Variants in FBXL22 observed in about 807,000 individuals in gnomAD.
FBXL22 encodes F-box and leucine rich repeat protein 22, also known as F-box and leucine-rich protein 22.
Under a neutral mutation model 11.7 loss-of-function variants are expected in FBXL22, and 13 were observed. The ratio of observed to expected loss-of-function variants is 1.11; its 90% CI spans 0.73 to 1.77. FBXL22 has a LOEUF of 1.77. Among genes scored for constraint, FBXL22 ranks in the 40% most tolerant of loss-of-function variants. FBXL22 has a pLI of 0.00. For synonymous variants in FBXL22, 160 were observed against 144.1 expected (o/e 1.11, Z -0.79); for missense variants, 406 against 320.4 (o/e 1.27, Z -2.04).
At chr15:63,606,959 T>C (rs1289933690), downstream of FBXL22, among the ~76,000 whole-genome samples, 6 of 152,006 alleles carry the variant, frequency 3.9e-5, no homozygotes, top group Non-Finnish European at 8.8e-5. Flanking sequence ...TTGCTCTGCA[T>C]GTCCTCAGCC....
Position 63,597,644 on chromosome 15 carries a change from G to T in FBXL22, c.252G>T (p.Gln84His). Reference sequence around the variant, plus strand: ...TCTGCTGGCACTCCAGCCGCGTGCAGGTGTGCAGCATTGAGGACTGGCTCA... The same window carrying T: ...TCTGCTGGCACTCCAGCCGCGTGCATGTGTGCAGCATTGAGGACTGGCTCA... The part of the protein sequence containing the change: ...LSICWHSSRV[Q>H]VCSIEDWLKS... The change falls in exon 1 of 2, where the codon CAG becomes CAT. Residue 84 changes from glutamine (Q) to histidine (H), a missense_variant. Gln to His is a conservative substitution (Grantham distance 24, BLOSUM62 0). Coordinates refer to ENST00000638704, the MANE Select transcript of FBXL22 (RefSeq NM_001367807.1). This position sits in a 1 kb window ranked among gnomAD's most constrained non-coding sequence, Gnocchi z 4.3. The T allele has an allele frequency of 6.2e-7, 1 of 1,613,308 alleles. No individual in the cohort carries two copies. Among genetic ancestry groups the T allele is most frequent in the Non-Finnish European group, 8.5e-7 (1 of 1,179,996 alleles).
Position 63,597,989 on chromosome 15 carries a change from A to G in FBXL22, c.353+244A>G, listed in dbSNP as rs1250007551. On this transcript the variant is annotated intron_variant, in intron 1 of 1. Coordinates refer to ENST00000638704, the MANE Select transcript of FBXL22 (RefSeq NM_001367807.1). This position sits in a 1 kb window ranked among gnomAD's most constrained non-coding sequence, Gnocchi z 4.3. ...CCTGGGCTGCTTCATGCAAACACCA[A>G]GAAGTGGGGCCTCCGTACTGGTAGT... Among the ~76,000 whole-genome samples, 1 of 152,202 alleles carries G rather than the reference A, an allele frequency of 6.6e-6. No individual in the cohort carries two copies. Among genetic ancestry groups the G allele is most frequent in the African/African-American group, 2.4e-5 (1 of 41,452 alleles).
At chr15:63,605,136 CTTAA>C (rs1406380893), downstream of FBXL22, among the ~76,000 whole-genome samples, 2 of 152,208 alleles carry the variant, frequency 1.3e-5, no homozygotes, top group African/African-American at 2.4e-5. Flanking sequence ...GCCCTGCAGA[CTTAA>C]TTAATCCACC....
At chr15:63,600,432 G>T (rs1477270536) in intron 1 of FBXL22, 2 of 1,199,112 alleles carry the variant, frequency 1.7e-6, no homozygotes, top group Non-Finnish European at 1.0e-6. Flanking sequence ...GCTGGGCCGG[G>T]GTCGGGGCTT....
chr15:63,601,026 T>G lies in FBXL22; in HGVS notation c.683T>G (p.Leu228Arg). The part of the protein sequence containing the change: ...PRAPAAALGK[L>R]LQR The stretch of plus-strand genomic sequence containing the variant: ...GCGCCCGCCGCGGCCCTCGGCAAGC[T>G]GCTGCAGCGCTAGACGCCGCCCCGC... The change falls in exon 2 of 2, where the codon CTG becomes CGG. Residue 228 changes from leucine (L) to arginine (R), a missense_variant. By Grantham distance (102) the Leu-to-Arg change is moderately radical. Coordinates refer to ENST00000638704, the MANE Select transcript of FBXL22 (RefSeq NM_001367807.1). 1 of 1,214,394 alleles carries G rather than the reference T, an allele frequency of 8.2e-7. No homozygotes were observed. The highest frequency in any genetic ancestry group is 1.0e-6 in the Non-Finnish European group (1 of 977,068). The allele number at this position is 1,214,394 out of a possible 1,614,324, so 75.2% of individuals were successfully genotyped here.
chr15:63,600,221 C>T (rs2067345143), intron 1 of FBXL22: 1 of 987,650 alleles, frequency 1.0e-6, no homozygotes, highest in African/African-American at 1.7e-5. Context: ...GGGCCTGTCA[C>T]TAGGCCACCT....
Position 63,600,771 on chromosome 15 carries a change from G to A in FBXL22, c.428G>A (p.Arg143His), listed in dbSNP as rs2067355717. The A allele has an allele frequency of 1.6e-6, 2 of 1,231,382 alleles. No homozygotes were observed. Among genetic ancestry groups the A allele is most frequent in the Non-Finnish European group, 1.0e-6 (1 of 987,708 alleles). The allele number at this position is 1,231,382 out of a possible 1,614,324, so 76.3% of individuals were successfully genotyped here. Reference protein sequence around the residue: ...VTDDCLARLLRCCPRLRALRL... With the variant: ...VTDDCLARLLHCCPRLRALRL... ...GACGACTGCCTGGCGCGCCTGCTGC[G>A]CTGCTGCCCACGCCTGCGCGCACTG... The change falls in exon 2 of 2, where the codon CGC becomes CAC. Residue 143 changes from arginine (R) to histidine (H), a missense_variant. Physicochemically the swap from Arg to His is conservative, Grantham distance 29 (BLOSUM62 0). Transcript: ENST00000638704.
At chr15:63,607,776 G>A in the FBXL22 span, among the ~76,000 whole-genome samples, 33 of 152,352 alleles carry the variant, frequency 2.2e-4, 2 homozygotes, top group Admixed American at 1.2e-3. Flanking sequence ...GAAGTAGCCT[G>A]TGGCATGAAC....
the FBXL22 span, among the ~76,000 whole-genome samples, chr15:63,607,678 G>C: frequency 6.6e-6 from 1 of 152,194 alleles, no homozygotes; most frequent in South Asian, 2.1e-4. Context: ...TATCTTCCTT[G>C]TGGAAAATAA....
downstream of FBXL22, among the ~76,000 whole-genome samples, chr15:63,603,190 C>G (rs1299148593): frequency 1.3e-5 from 2 of 152,140 alleles, no homozygotes; most frequent in Non-Finnish European, 2.9e-5. Context: ...AACAACCTGA[C>G]CATTGTTAAA....
chr15:63,603,213 C>T (rs138774933), downstream of FBXL22, among the ~76,000 whole-genome samples: 3 of 152,226 alleles, frequency 2.0e-5, no homozygotes, highest in African/African-American at 7.2e-5. Flanking sequence ...AATGTCAATC[C>T]GAGGTCCAGG....
chr15:63,598,188 G>A (rs2067304094), intron 1 of FBXL22, among the ~76,000 whole-genome samples: 1 of 152,082 alleles, frequency 6.6e-6, no homozygotes, highest in Non-Finnish European at 1.5e-5. Flanking sequence ...GAGAAGCCAG[G>A]GTGCTCAGGT....
At position 63,597,707 on chromosome 15, in the gene FBXL22, G is replaced by A. The variant is rs139584661; in HGVS notation, c.315G>A (p.Glu105=). The change falls in exon 1 of 2, where the codon GAG becomes GAA. Residue 105 remains glutamate (E), a synonymous_variant. Transcript: ENST00000638704. This position sits in a 1 kb window ranked among gnomAD's most constrained non-coding sequence, Gnocchi z 4.3. ...AGAGAAGCATCTGCAGCCGGCACGA[G>A]AGCCTGGTCAATGATTTCCTCCTCC... ...AFQRSICSRH[E]SLVNDFLLRV... 1 of 1,596,628 alleles carries A rather than the reference G, an allele frequency of 6.3e-7. No individual in the cohort carries two copies. Among genetic ancestry groups the A allele is most frequent in the African/African-American group, 1.3e-5 (1 of 74,658 alleles).
chr15:63,598,777 G>A (rs1467083513), intron 1 of FBXL22, among the ~76,000 whole-genome samples: 1 of 152,240 alleles, frequency 6.6e-6, no homozygotes, highest in African/African-American at 2.4e-5. Flanking sequence ...GAAAACAGAA[G>A]ATGGACTTGG....
downstream of FBXL22, among the ~76,000 whole-genome samples, chr15:63,603,759 GCATAAT>G (rs2067399186): frequency 6.6e-6 from 1 of 152,262 alleles, no homozygotes; most frequent in South Asian, 2.1e-4. Flanking sequence ...CCCTGGCCCA[GCATAAT>G]CCCTTTGTCA....
chr15:63,601,531 C>A, downstream of FBXL22: 1 of 1,556,412 alleles, frequency 6.4e-7, no homozygotes. Flanking sequence ...GGGACCGCCA[C>A]CTCCAGGAGC....
chr15:63,601,214 G>T lies in FBXL22; in HGVS notation c.*175G>T. On this transcript the variant is annotated 3_prime_UTR_variant, in exon 2 of 2. Transcript: ENST00000638704. ...TTACGATTTTATACATAGGATAAAC[G>T]CAAGATTAAATGGATATTTGGAAAA... is the stretch of plus-strand genomic sequence containing the variant. The T allele has an allele frequency of 1.3e-6, 2 of 1,493,412 alleles. No homozygotes were observed. Among genetic ancestry groups the T allele is most frequent in the East Asian group, 2.4e-5 (1 of 42,258 alleles). The allele number at this position is 1,493,412 out of a possible 1,614,324, so 92.5% of individuals were successfully genotyped here. A position where few individuals can be genotyped will look rare whatever the true frequency, so the allele number is the denominator to read the frequency against.
intron 1 of FBXL22, 28 bp from the exon 2 acceptor site, chr15:63,600,669 G>A: frequency 1.6e-6 from 2 of 1,231,328 alleles, no homozygotes; most frequent in Non-Finnish European, 2.0e-6. Flanking sequence ...AAGCCAGTGA[G>A]CCCCGGGTCA....
chr15:63,598,140 A>G (rs1294672487), intron 1 of FBXL22, among the ~76,000 whole-genome samples: 2 of 152,256 alleles, frequency 1.3e-5, no homozygotes, highest in East Asian at 3.9e-4. Context: ...AAGGCCTGGG[A>G]AACTACGGAG....
Sources: gnomAD v4.1 joint callset for allele counts (sites outside exome capture counted in the v4.1 genomes callset) on GRCh38, gnomAD v4.1.1 for gene constraint, Gnocchi (gnomAD v3.1) non-coding constraint, MANE v1.5 for transcripts, NCBI Gene and HGNC (gene_info 2026-07-23, HGNC 2026-07-21) for gene names.